Variants in FER1L6 observed in about 807,000 individuals in gnomAD.
FER1L6 encodes the protein fer-1-like protein 6.
In FER1L6, 177 loss-of-function variants were observed where a neutral mutation model predicts 219.2. The observed-to-expected ratio is 0.81, with a 90% CI of 0.71 to 0.91. The LOEUF (loss-of-function observed/expected upper bound fraction) is 0.91. Ranked by LOEUF, FER1L6 falls within the 40% of genes least tolerant of loss-of-function variation. The probability of loss-of-function intolerance (pLI) is 0.00; values close to 1 mark genes in which losing one functional copy is unlikely to be tolerated. For missense variants in FER1L6, 2,153 were observed against 2,259.9 expected, an observed-to-expected ratio of 0.95 and a Z score of 0.96; for synonymous variants, 768 against 824.3, an observed-to-expected ratio of 0.93 and a Z score of 1.17.
chr8:123,873,686 A>C (rs2130281514), intron 1 of FER1L6, among the ~76,000 whole-genome samples: 1 of 152,212 alleles, frequency 6.6e-6, no homozygotes, highest in African/African-American at 2.4e-5. Flanking sequence ...TGGGTCCTGG[A>C]TTACCATTAC....
intron 31 of FER1L6, among the ~76,000 whole-genome samples, chr8:124,072,634 A>G (rs910086846): frequency 6.6e-6 from 1 of 152,252 alleles, no homozygotes; most frequent in Non-Finnish European, 1.5e-5. Context: ...TGCAGTTCTC[A>G]GGTTTCCTTC....
intron 1 of FER1L6, among the ~76,000 whole-genome samples, chr8:123,929,542 G>A (rs1813691129): frequency 6.6e-6 from 1 of 152,162 alleles, no homozygotes; most frequent in African/African-American, 2.4e-5. Context: ...CTGCATCAAG[G>A]AAGAATTAAC....
chr8:123,932,260 C>A (rs1162703039), intron 1 of FER1L6, among the ~76,000 whole-genome samples: 2 of 152,056 alleles, frequency 1.3e-5, no homozygotes, highest in African/African-American at 4.8e-5. Flanking sequence ...AGGTGCACAC[C>A]ACCACACCCA....
In FER1L6 at chr8:124,037,708, T is replaced by C. The variant is rs114997339; in HGVS notation, c.2465-2174T>C. ...GTCCCCATGCAGCCAGACAGTGGCA[T>C]GGGGTGGAGGGTAGAGGGACAGAAA... is the stretch of plus-strand genomic sequence containing the variant. On this transcript the variant is annotated intron_variant, in intron 19 of 40. Coordinates refer to ENST00000522917, the MANE Select transcript of FER1L6 (RefSeq NM_001039112.2). 8.1e-3 allele frequency among the ~76,000 whole-genome samples: 1,240 copies of C among 152,254 alleles called. 23 individuals are homozygous for C. The highest frequency in any genetic ancestry group is 0.024 in the African/African-American group (1,017 of 41,554).
chr8:123,958,323 G>T (rs1329897316), intron 2 of FER1L6, among the ~76,000 whole-genome samples: 5 of 152,162 alleles, frequency 3.3e-5, no homozygotes, highest in Admixed American at 3.3e-4. Flanking sequence ...CATGGCCGAG[G>T]TCTCTTACCC....
rs116897945 is a variant in FER1L6, at chr8:124,101,469, T to A, written c.5125+131T>A. On this transcript the variant is annotated intron_variant, in intron 38 of 40. Transcript: ENST00000522917. ...CTATGATAGCAAAAACCTGGAAACATCCCAAATAGCCATTAATAGGGAATG... is the reference window on the plus strand; with the variant it reads ...CTATGATAGCAAAAACCTGGAAACAACCCAAATAGCCATTAATAGGGAATG... 956 of 770,554 alleles carry A rather than the reference T, an allele frequency of 1.2e-3. 8 individuals are homozygous for A. The highest frequency in any genetic ancestry group is 0.012 in the East Asian group (450 of 37,142). The allele number at this position is 770,554 out of a possible 1,614,324, so 47.7% of individuals were successfully genotyped here. A position where few individuals can be genotyped will look rare whatever the true frequency, so the allele number is the denominator to read the frequency against.
intron 21 of FER1L6, 83 bp downstream of exon 21, chr8:124,045,984 A>G: frequency 2.6e-6 from 4 of 1,539,002 alleles, no homozygotes; most frequent in Non-Finnish European, 8.8e-7. Flanking sequence ...TAAAGTAAAT[A>G]AAGTCCTGAC....
At chr8:124,007,927 T>A (rs1384543382) in intron 13 of FER1L6, among the ~76,000 whole-genome samples, 2 of 152,200 alleles carry the variant, frequency 1.3e-5, no homozygotes, top group African/African-American at 4.8e-5. Flanking sequence ...TGCACTTACA[T>A]CTGTTATCTT....
chr8:124,040,311 A>C, intron 20 of FER1L6: 1 of 385,514 alleles, frequency 2.6e-6, no homozygotes, highest in Non-Finnish European at 4.9e-6. Context: ...TGCAGTGGGG[A>C]AGGAGCAAAT....
intron 1 of FER1L6, among the ~76,000 whole-genome samples, chr8:123,879,354 T>C (rs1817064382): frequency 6.6e-6 from 1 of 152,138 alleles, no homozygotes; most frequent in African/African-American, 2.4e-5. Flanking sequence ...TGAGATGGAA[T>C]CTCACTCTGT....
chr8:123,953,726 G>C (rs765654134), intron 1 of FER1L6, among the ~76,000 whole-genome samples: 4 of 152,154 alleles, frequency 2.6e-5, no homozygotes, highest in Non-Finnish European at 5.9e-5. Flanking sequence ...AAGTCATTTA[G>C]TTGCTTCAAG....
rs1235198333 is a variant in FER1L6, at chr8:124,111,221, A to T, written c.5290-7623A>T. On this transcript the variant is annotated intron_variant, in intron 39 of 40. Transcript: ENST00000522917. This position sits in a 1 kb window ranked among gnomAD's most constrained non-coding sequence, Gnocchi z 5.0. Reference sequence around the variant, plus strand: ...GGAAGGAAATCTCTTCCCATTTTCAACAGGGAGAACTAAGCCTCTCATTTT... The same window carrying T: ...GGAAGGAAATCTCTTCCCATTTTCATCAGGGAGAACTAAGCCTCTCATTTT... Among the ~76,000 whole-genome samples, 2 of 152,246 alleles carry T rather than the reference A, an allele frequency of 1.3e-5. No individual in the cohort carries two copies. The highest frequency in any genetic ancestry group is 6.5e-5 in the Admixed American group (1 of 15,290).
chr8:124,023,576 A>G lies in FER1L6; in HGVS notation c.2266A>G (p.Ile756Val). ...GCAGATGGGCAAACACTGCGGCAAG[A>G]TCAAAACTCACTTCCTCAAAGTAAG... ...AGQMGKHCGK[I>V]KTHFLKPPGK... The change falls in exon 18 of 41, where the codon ATC becomes GTC. Residue 756 changes from isoleucine (I) to valine (V), a missense_variant. Ile to Val is a conservative substitution (Grantham distance 29, BLOSUM62 3). Transcript: ENST00000522917. 1 of 1,614,132 alleles carries G rather than the reference A, an allele frequency of 6.2e-7. No individual in the cohort carries two copies. Among genetic ancestry groups the G allele is most frequent in the Non-Finnish European group, 8.5e-7 (1 of 1,180,018 alleles).
At chr8:123,892,863 A>G (rs1448895658) in intron 1 of FER1L6, among the ~76,000 whole-genome samples, 1 of 152,192 alleles carries the variant, frequency 6.6e-6, no homozygotes, top group African/African-American at 2.4e-5. Context: ...GAAGTACAAG[A>G]GAGACATATT....
chr8:123,993,843 A>G (rs1216814800), intron 12 of FER1L6, among the ~76,000 whole-genome samples: 1 of 152,240 alleles, frequency 6.6e-6, no homozygotes, highest in African/African-American at 2.4e-5. Flanking sequence ...AGTGGCTACC[A>G]GTACCAGTTC....
At chr8:124,095,085 G>T in intron 35 of FER1L6, 47 bp downstream of exon 35, 1 of 1,606,230 alleles carries the variant, frequency 6.2e-7, no homozygotes, top group South Asian at 1.1e-5. Flanking sequence ...CTTGTGTACT[G>T]TAGAGTAATG....
intron 1 of FER1L6, among the ~76,000 whole-genome samples, chr8:123,856,349 T>TATGTA (rs71289618): frequency 7.4e-6 from 1 of 134,516 alleles, no homozygotes; most frequent in Non-Finnish European, 1.6e-5. Context: ...TATATATATA[T>TATGTA]TAGGGTCCAG....
intron 12 of FER1L6, among the ~76,000 whole-genome samples, chr8:124,002,485 C>T (rs977371044): frequency 6.6e-6 from 1 of 152,160 alleles, no homozygotes; most frequent in Non-Finnish European, 1.5e-5. Context: ...AGCTTTGGAG[C>T]TCCTTCCAAA....
chr8:123,868,273 C>T (rs574027486), intron 1 of FER1L6, among the ~76,000 whole-genome samples: 1 of 152,130 alleles, frequency 6.6e-6, no homozygotes, highest in South Asian at 2.1e-4. Flanking sequence ...AAAATCATGA[C>T]ATTTAAGAAT....
Sources: gnomAD v4.1 joint callset for allele counts (sites outside exome capture counted in the v4.1 genomes callset) on GRCh38, gnomAD v4.1.1 for gene constraint, Gnocchi (gnomAD v3.1) non-coding constraint, MANE v1.5 for transcripts, NCBI Gene and HGNC (gene_info 2026-07-23, HGNC 2026-07-21) for gene names.